Variants in ENTPD1 observed in about 807,000 individuals in gnomAD.
ENTPD1 encodes the protein ATP diphosphohydrolase.
Under a neutral mutation model 57.0 loss-of-function variants are expected in ENTPD1, and 33 were observed. The ratio of observed to expected loss-of-function variants is 0.58; its 90% CI spans 0.44 to 0.77. The LOEUF is 0.77. Ranked by LOEUF, ENTPD1 falls within the 30% of genes least tolerant of loss-of-function variation. The pLI, the probability that ENTPD1 is intolerant of heterozygous loss-of-function variation, is 0.00. For synonymous variants in ENTPD1, 202 were observed against 218.8 expected (o/e 0.92, Z 0.68); for missense variants, 501 against 603.4 (o/e 0.83, Z 1.78).
chr10:95,872,760 C>T lies in ENTPD1; in HGVS notation c.*6377C>T. 1.0e-6 allele frequency: 1 copy of T among 985,452 alleles called. No individual in the cohort carries two copies. Among genetic ancestry groups the T allele is most frequent in the Non-Finnish European group, 1.2e-6 (1 of 829,928 alleles). The allele number at this position is 985,452 out of a possible 1,614,324, so 61.0% of individuals were successfully genotyped here. ...ACCCTTCTGTTGCTGGCGAGCTGGT[C>T]CGCACCACTAGTTCTGCTTCACTCT... On this transcript the variant is annotated 3_prime_UTR_variant, in exon 10 of 10. Transcript: ENST00000371205.
At chr10:95,727,575 C>A (rs1428192067) in intron 1 of ENTPD1, among the ~76,000 whole-genome samples, 7 of 152,216 alleles carry the variant, frequency 4.6e-5, no homozygotes, top group African/African-American at 9.6e-5. Context: ...TACCTCCAAT[C>A]CCACCATTTG....
At chr10:95,864,884 TG>T in intron 9 of ENTPD1, 23 bp downstream of exon 9, 1 of 1,591,420 alleles carries the variant, frequency 6.3e-7, no homozygotes. Flanking sequence ...CCTGTTGGGC[TG>T]GGGGGAGGTT....
At chr10:95,710,175 C>T (rs1010457504), upstream of ENTPD1, among the ~76,000 whole-genome samples, 2 of 152,014 alleles carry the variant, frequency 1.3e-5, no homozygotes. Context: ...GAGACGGAGG[C>T]GGACAGATCA....
chr10:95,842,168 T>C (rs1566223707), intron 3 of ENTPD1, among the ~76,000 whole-genome samples, 176 bp from the exon 4 acceptor site: 1 of 152,192 alleles, frequency 6.6e-6, no homozygotes, highest in Non-Finnish European at 1.5e-5. Context: ...GGAAATTAAA[T>C]CCTCTCAAGG....
At position 95,871,172 on chromosome 10, in the gene ENTPD1, G is replaced by A. The variant is rs1446463306; in HGVS notation, c.*4789G>A. 3 of 985,304 alleles carry A rather than the reference G, an allele frequency of 3.0e-6. No individual in the cohort carries two copies. The highest frequency in any genetic ancestry group is 3.6e-6 in the Non-Finnish European group (3 of 829,938). The allele number at this position is 985,304 out of a possible 1,614,324, so 61.0% of individuals were successfully genotyped here. On this transcript the variant is annotated 3_prime_UTR_variant, in exon 10 of 10. Transcript: ENST00000371205. Reference sequence around the variant, plus strand: ...AGTGGGAGGAATGGCAAAGTCATATGGCCAAGGCCATGAGTGATTAATTTT... The same window carrying A: ...AGTGGGAGGAATGGCAAAGTCATATAGCCAAGGCCATGAGTGATTAATTTT...
chr10:95,760,878 G>A (rs1367023032), intron 1 of ENTPD1, among the ~76,000 whole-genome samples: 1 of 128,330 alleles, frequency 7.8e-6, no homozygotes, highest in Non-Finnish European at 1.6e-5. Flanking sequence ...CGCCCAGGCT[G>A]GAGTGCAGTG....
intron 2 of ENTPD1, among the ~76,000 whole-genome samples, chr10:95,832,064 C>T (rs2098398150): frequency 6.6e-6 from 1 of 152,126 alleles, no homozygotes; most frequent in Non-Finnish European, 1.5e-5. Context: ...AAATTACAGC[C>T]AGCACAACAT....
At chr10:95,708,238 A>G (rs951589920), upstream of ENTPD1, among the ~76,000 whole-genome samples, 11 of 149,504 alleles carry the variant, frequency 7.4e-5, no homozygotes, top group Middle Eastern at 3.2e-3. Context: ...TTTTTGAGAC[A>G]GAGTCTCACT....
chr10:95,868,562 TTC>T lies in ENTPD1; in HGVS notation c.*2181_*2182del. 1.0e-6 allele frequency: 1 copy of T among 985,424 alleles called. No homozygotes were observed. The highest frequency in any genetic ancestry group is 1.2e-6 in the Non-Finnish European group (1 of 829,944). The allele number at this position is 985,424 out of a possible 1,614,324, so 61.0% of individuals were successfully genotyped here. On this transcript the variant is annotated 3_prime_UTR_variant, in exon 10 of 10. Coordinates refer to ENST00000371205, the MANE Select transcript of ENTPD1 (RefSeq NM_001776.6). ...GAGCCAATAACAGCCGCTTTTTTCC[TTC>T]TGTCTGCGTATACAAAGCACTGTCA...
chr10:95,746,397 A>G (rs2098006127), intron 1 of ENTPD1, among the ~76,000 whole-genome samples: 1 of 152,192 alleles, frequency 6.6e-6, no homozygotes, highest in African/African-American at 2.4e-5. Flanking sequence ...GTCTAAGATC[A>G]TACAAAAAGA....
At chr10:95,837,956 T>TCACACA (rs142329357) in intron 2 of ENTPD1, among the ~76,000 whole-genome samples, 1,722 of 146,896 alleles carry the variant, frequency 0.012, 30 homozygotes, top group African/African-American at 0.036. Context: ...GTAGGGAGAT[T>TCACACA]CACACACACA....
At chr10:95,818,609 C>G (rs1210212850) in intron 1 of ENTPD1, among the ~76,000 whole-genome samples, 1 of 152,166 alleles carries the variant, frequency 6.6e-6, no homozygotes, top group African/African-American at 2.4e-5. Context: ...GTGGATATCA[C>G]TATAGAAGAA....
intron 8 of ENTPD1, 52 bp downstream of exon 8, chr10:95,860,634 C>T (rs769751526): frequency 6.7e-7 from 1 of 1,499,086 alleles, no homozygotes; most frequent in Admixed American, 1.7e-5. Context: ...TGTGTCGTTG[C>T]TGATGCAGAG....
chr10:95,719,301 T>C (rs1038167162), intron 1 of ENTPD1, among the ~76,000 whole-genome samples: 4 of 152,240 alleles, frequency 2.6e-5, no homozygotes, highest in Admixed American at 6.5e-5. Context: ...AGCTTAATAC[T>C]GGGGCTTCGG....
chr10:95,740,003 A>G (rs2097998706), intron 1 of ENTPD1, among the ~76,000 whole-genome samples: 2 of 152,224 alleles, frequency 1.3e-5, no homozygotes, highest in Non-Finnish European at 2.9e-5. Flanking sequence ...TTTGAAAGGA[A>G]TATTTTTTCT....
chr10:95,789,681 A>G (rs935127998), intron 1 of ENTPD1, among the ~76,000 whole-genome samples: 3 of 152,214 alleles, frequency 2.0e-5, no homozygotes, highest in Non-Finnish European at 4.4e-5. Context: ...CTACCATGAA[A>G]TATACACAAA....
At chr10:95,743,648 A>G (rs1388791813) in intron 1 of ENTPD1, among the ~76,000 whole-genome samples, 3 of 152,060 alleles carry the variant, frequency 2.0e-5, no homozygotes, top group Non-Finnish European at 4.4e-5. Flanking sequence ...TATTTATTTT[A>G]TACTTTGGAT....
chr10:95,793,679 A>G (rs2098214953), intron 1 of ENTPD1, among the ~76,000 whole-genome samples: 1 of 152,156 alleles, frequency 6.6e-6, no homozygotes, highest in Admixed American at 6.5e-5. Context: ...TAAGCCTTCC[A>G]GGTGATTCTG....
rs201640139 is a variant in ENTPD1, at chr10:95,845,375, A to G, written c.592A>G (p.Ile198Val). ...KFSQKTRWFS[I>V]VPYETNNQET... ...CTTTCAGAAAACAAGGTGGTTCAGCATAGTCCCATATGAAACCAATAATCA... is the reference window on the plus strand; with the variant it reads ...CTTTCAGAAAACAAGGTGGTTCAGCGTAGTCCCATATGAAACCAATAATCA... Residue 198 changes from isoleucine (I) to valine (V), a missense_variant, in exon 6 of 10, where the codon ATA becomes GTA. Coordinates refer to ENST00000371205, the MANE Select transcript of ENTPD1 (RefSeq NM_001776.6). 10 of 1,614,108 alleles carry G rather than the reference A, an allele frequency of 6.2e-6. No individual in the cohort carries two copies. Among genetic ancestry groups the G allele is most frequent in the South Asian group, 3.3e-5 (3 of 91,092 alleles).
Sources: gnomAD v4.1 joint callset for allele counts (sites outside exome capture counted in the v4.1 genomes callset) on GRCh38, gnomAD v4.1.1 for gene constraint, MANE v1.5 for transcripts, NCBI Gene and HGNC (gene_info 2026-07-23, HGNC 2026-07-21) for gene names.